Variants in NOBOX observed in about 807,000 individuals in gnomAD.
The protein encoded by NOBOX is NOBOX oogenesis homeobox.
NOBOX carries 46 observed loss-of-function variants against 60.2 expected under a neutral mutation model. That is an observed-to-expected ratio of 0.76 (90% CI 0.60 to 0.98). The LOEUF is 0.98. NOBOX is among the 50% of genes least tolerant of loss of function. The pLI is 0.00. For missense variants in NOBOX, 880 were observed against 865.5 expected (o/e 1.02, Z -0.21); for synonymous variants, 360 against 346.3 (o/e 1.04, Z -0.44).
chr7:144,402,748 A>ATTTTTTTTT (rs1218483822), intron 2 of NOBOX, among the ~76,000 whole-genome samples: 1 of 93,418 alleles, frequency 1.1e-5, no homozygotes, highest in Non-Finnish European at 1.9e-5. Flanking sequence ...AAGGAATAAC[A>ATTTTTTTTT]TTTTTTTTTT....
intron 1 of NOBOX, chr7:144,410,041 G>T: frequency 1.4e-6 from 1 of 694,022 alleles, no homozygotes; most frequent in Non-Finnish European, 2.4e-6. Flanking sequence ...CCCAAGAGGG[G>T]ATGCTCTACC....
In NOBOX at chr7:144,401,520, G is replaced by C. The variant is rs1204396418; in HGVS notation, c.370C>G (p.Gln124Glu). ...GGCAGTTCCTCACTCTGAGTGTCCTGAGCATGAGGGGCTGAGCCCCGGAGC... is the reference window on the plus strand; with the variant it reads ...GGCAGTTCCTCACTCTGAGTGTCCTCAGCATGAGGGGCTGAGCCCCGGAGC... The change falls in exon 4 of 10, where the codon CAG (glutamine) becomes GAG (glutamate). Residue 124 changes from glutamine (Q) to glutamate (E), a missense_variant. By Grantham distance (29) the Gln-to-Glu change is conservative. Transcript: ENST00000467773. The surrounding 1 kb of genome is among the most constrained non-coding windows in gnomAD (Gnocchi z 4.2). The C allele has an allele frequency of 6.6e-7, 1 of 1,521,512 alleles. No homozygotes were observed. The highest frequency in any genetic ancestry group is 1.3e-5 in the South Asian group (1 of 74,182). The allele number at this position is 1,521,512 out of a possible 1,614,324, so 94.3% of individuals were successfully genotyped here.
intron 1 of NOBOX, among the ~76,000 whole-genome samples, chr7:144,405,803 C>T (rs921818969): frequency 7.2e-5 from 11 of 152,182 alleles, no homozygotes; most frequent in African/African-American, 2.2e-4. Flanking sequence ...CCCCAGAAAT[C>T]TTAATTGGTT....
intron 1 of NOBOX, among the ~76,000 whole-genome samples, chr7:144,409,548 T>C (rs192390097): frequency 2.1e-3 from 325 of 152,360 alleles, no homozygotes; most frequent in Non-Finnish European, 3.6e-3. Flanking sequence ...CACAGTTCTG[T>C]ATTGTTTCAA....
chr7:144,402,373 T>C (rs1008271880), intron 2 of NOBOX, among the ~76,000 whole-genome samples: 12 of 152,196 alleles, frequency 7.9e-5, no homozygotes, highest in Non-Finnish European at 1.2e-4. Flanking sequence ...CTTATCATGT[T>C]CCAGGCATGG....
At chr7:144,399,530 T>C in intron 6 of NOBOX, 48 bp from the exon 5 acceptor site, 1 of 1,456,414 alleles carries the variant, frequency 6.9e-7, no homozygotes, top group Non-Finnish European at 9.4e-7. Context: ...TCTCTGGATT[T>C]GCACAGGTGC....
chr7:144,399,570 A>G (rs1010702769), intron 6 of NOBOX, 88 bp from the exon 5 acceptor site: 5 of 1,243,626 alleles, frequency 4.0e-6, no homozygotes, highest in Non-Finnish European at 4.6e-6. Context: ...CCAATTCCCA[A>G]ACTCTGCCTC....
At chr7:144,398,092 G>A (rs2053906326) in intron 9 of NOBOX, among the ~76,000 whole-genome samples, 190 bp downstream of exon 7, 1 of 152,172 alleles carries the variant, frequency 6.6e-6, no homozygotes, top group Admixed American at 6.5e-5. Context: ...AGAGTTCTCT[G>A]CTAACTCTCA....
chr7:144,409,514 T>C (rs1385554600), intron 1 of NOBOX, among the ~76,000 whole-genome samples: 2 of 152,234 alleles, frequency 1.3e-5, no homozygotes, highest in Non-Finnish European at 2.9e-5. Flanking sequence ...CAGGCATGTC[T>C]CCCTTAAAAT....
chr7:144,404,754 A>C, intron 1 of NOBOX: 1 of 1,580,032 alleles, frequency 6.3e-7, no homozygotes, highest in Non-Finnish European at 8.6e-7. Flanking sequence ...AATGGAAGGG[A>C]CTTTCTTGGG....
rs756544006 is a variant in NOBOX, at chr7:144,401,234, G to A, written c.656C>T (p.Ser219Phe). The change falls in exon 4 of 10, where the codon TCT becomes TTT. Residue 219 changes from serine to phenylalanine, a missense_variant. By Grantham distance (155) the Ser-to-Phe change is radical (BLOSUM62 -2). Coordinates refer to ENST00000467773, the MANE Select transcript of NOBOX (RefSeq NM_001080413.3). The surrounding 1 kb of genome is among the most constrained non-coding windows in gnomAD (Gnocchi z 4.2). ...ACGGGCTGAGTTAGGGGCACCCGGA[G>A]ATGATGTTGGGGCCAGACCCATGGC... 14 of 1,613,522 alleles carry A rather than the reference G, an allele frequency of 8.7e-6. No homozygotes were observed. The East Asian group carries it at 2.7e-4, about 31-fold the overall frequency.
At position 144,401,559 on chromosome 7, in the gene NOBOX, C is replaced by G; in HGVS notation, c.331G>C (p.Gly111Arg). The change falls in exon 4 of 10, where the codon GGG (glycine) becomes CGG (arginine). Residue 111 changes from glycine to arginine, a missense_variant. Coordinates refer to ENST00000467773, the MANE Select transcript of NOBOX (RefSeq NM_001080413.3). The surrounding 1 kb of genome is among the most constrained non-coding windows in gnomAD (Gnocchi z 4.2). ...GAGCCCCGGAGCAGTTCCTCCTCCC[C>G]GGGTCCTGCAGCCAGGGGCTTCTCT... 4 of 1,511,480 alleles carry G rather than the reference C, an allele frequency of 2.6e-6. No individual in the cohort carries two copies. In the South Asian group the frequency reaches 4.1e-5, roughly 16 times the overall value. The allele number at this position is 1,511,480 out of a possible 1,614,324, so 93.6% of individuals were successfully genotyped here.
intron 1 of NOBOX, among the ~76,000 whole-genome samples, chr7:144,406,595 T>G (rs2053987411): frequency 6.6e-6 from 1 of 151,798 alleles, no homozygotes; most frequent in Admixed American, 6.6e-5. Context: ...TTTCCAAACA[T>G]AGAAATGAGG....
Position 144,401,194 on chromosome 7 carries a change from T to G in NOBOX, c.696A>C (p.Pro232=), listed in dbSNP as rs2053935596. The change falls in exon 4 of 10, where the codon CCA becomes CCC. Residue 232 remains proline (P), a synonymous_variant. Coordinates refer to ENST00000467773, the MANE Select transcript of NOBOX (RefSeq NM_001080413.3). The surrounding 1 kb of genome is among the most constrained non-coding windows in gnomAD (Gnocchi z 4.2). Reference sequence around the variant, plus strand: ...GCCCCCGGCCTGACCCACAGGGCACTGGGTTGTGTGTGGCACGGGCTGAGT... The same window carrying G: ...GCCCCCGGCCTGACCCACAGGGCACGGGGTTGTGTGTGGCACGGGCTGAGT... The G allele has an allele frequency of 2.5e-6, 4 of 1,613,692 alleles. No homozygotes were observed. The East Asian group carries it at 8.9e-5, about 36-fold the overall frequency.
chr7:144,400,893 T>C (rs540269461), intron 4 of NOBOX, among the ~76,000 whole-genome samples, 153 bp downstream of exon 2: 4 of 152,180 alleles, frequency 2.6e-5, no homozygotes, highest in Non-Finnish European at 5.9e-5. Flanking sequence ...TCAGAGATAG[T>C]TGCACTACCG....
At chr7:144,397,630 C>T (rs1370562479) in intron 9 of NOBOX, 89 bp from the exon 8 acceptor site, 6 of 1,163,872 alleles carry the variant, frequency 5.2e-6, no homozygotes, top group East Asian at 2.6e-5. Flanking sequence ...CCCCCCGTGC[C>T]CCAACACACA....
intron 1 of NOBOX, among the ~76,000 whole-genome samples, chr7:144,409,354 C>A (rs17171150): frequency 6.6e-6 from 1 of 152,006 alleles, no homozygotes; most frequent in Non-Finnish European, 1.5e-5. Flanking sequence ...GGGTAAATAC[C>A]GAACAACTGA....
intron 6 of NOBOX, 36 bp downstream of exon 4, chr7:144,399,721 C>T (rs751142892): frequency 2.0e-6 from 3 of 1,536,612 alleles, no homozygotes; most frequent in Non-Finnish European, 1.8e-6. Flanking sequence ...CCACTTCTAC[C>T]CACAGGGATG....
intron 6 of NOBOX, 66 bp from the exon 5 acceptor site, chr7:144,399,548 C>G: frequency 7.4e-7 from 1 of 1,343,436 alleles, no homozygotes; most frequent in South Asian, 1.3e-5. Context: ...TGCCTCATTG[C>G]CAGGAGAGAC....
Sources: allele counts gnomAD v4.1 joint callset (sites outside exome capture counted in the v4.1 genomes callset), GRCh38; gene constraint gnomAD v4.1.1; non-coding constraint Gnocchi (gnomAD v3.1); transcripts MANE v1.5; gene names NCBI Gene and HGNC (gene_info 2026-07-23, HGNC 2026-07-21).